The following ABHD3 variants were observed in gnomAD, a reference collection of about 807,000 sequenced individuals.
ABHD3 encodes the protein abhydrolase domain containing 3, phospholipase, also known as phospholipase ABHD3.
A neutral mutation model predicts 48.8 loss-of-function variants in ABHD3; 46 were observed. That is an observed-to-expected ratio of 0.94 (90% confidence interval 0.74 to 1.20). The LOEUF (loss-of-function observed/expected upper bound fraction) is 1.20. Ranked by LOEUF, ABHD3 falls within the 50% of genes most tolerant of loss-of-function variation. The pLI is 0.00. For missense variants in ABHD3, 490 were observed against 497.8 expected (o/e 0.98, Z 0.15); for synonymous variants, 192 against 183.7 (o/e 1.04, Z -0.36).
intron 4 of ABHD3, among the ~76,000 whole-genome samples, chr18:21,675,262 G>GTTTTTTTTTT (rs61119109): frequency 1.2e-5 from 1 of 85,476 alleles, no homozygotes; most frequent in African/African-American, 4.9e-5. Flanking sequence ...AATGAGGTGG[G>GTTTTTTTTTT]TTTTTTTTTT....
chr18:21,664,055 C>A (rs199987707), intron 5 of ABHD3, 63 bp downstream of exon 5: 1 of 1,538,456 alleles, frequency 6.5e-7, no homozygotes, highest in Non-Finnish European at 8.7e-7. Flanking sequence ...ATAGTCCTCT[C>A]AAAGAGACAG....
rs2039216630 is a variant in ABHD3, at chr18:21,651,369, T to C, written c.*222A>G. ...GTTTAAGGATGTACTTGGTAAGGCATAGTAAAAATAAAATCTACGTAAGTA... is the reference window on the plus strand; with the variant it reads ...GTTTAAGGATGTACTTGGTAAGGCACAGTAAAAATAAAATCTACGTAAGTA... On this transcript the variant is annotated 3_prime_UTR_variant, in exon 9 of 9. Transcript: ENST00000289119. The C allele has an allele frequency of 1.8e-5, 7 of 389,858 alleles. No individual in the cohort carries two copies. The East Asian group carries it at 3.1e-4, about 17-fold the overall frequency. 24.1% of individuals were successfully genotyped at this position (389,858 alleles called of 1,614,324 possible).
chr18:21,671,954 G>C (rs1459459645), intron 4 of ABHD3, among the ~76,000 whole-genome samples: 10 of 151,994 alleles, frequency 6.6e-5, no homozygotes, highest in Admixed American at 5.2e-4. Flanking sequence ...GTAATTTAAT[G>C]GCTGAAAGAG....
At chr18:21,700,812 T>C (rs891007827) in intron 3 of ABHD3, among the ~76,000 whole-genome samples, 1 of 123,050 alleles carries the variant, frequency 8.1e-6, no homozygotes, top group African/African-American at 3.4e-5. Context: ...TTTCTGAGCA[T>C]GACTAAGTTT....
chr18:21,674,474 C>T (rs2039831215), intron 4 of ABHD3, among the ~76,000 whole-genome samples: 1 of 152,156 alleles, frequency 6.6e-6, no homozygotes, highest in Admixed American at 6.5e-5. Flanking sequence ...TCTCCAACTC[C>T]TGGGCTCAAG....
intron 4 of ABHD3, among the ~76,000 whole-genome samples, chr18:21,666,339 A>G (rs1568143346): frequency 1.3e-5 from 2 of 152,122 alleles, no homozygotes; most frequent in African/African-American, 2.4e-5. Context: ...GACTACAGGT[A>G]CGTACCACCA....
chr18:21,681,323 T>G (rs2040000754), intron 4 of ABHD3, among the ~76,000 whole-genome samples: 1 of 152,186 alleles, frequency 6.6e-6, no homozygotes, highest in Non-Finnish European at 1.5e-5. Flanking sequence ...TAGCAGCATC[T>G]TCCATCAGCC....
intron 3 of ABHD3, among the ~76,000 whole-genome samples, chr18:21,691,907 A>C (rs1338203661): frequency 1.3e-5 from 2 of 152,220 alleles, no homozygotes; most frequent in African/African-American, 4.8e-5. Context: ...CATTTCAAAA[A>C]GCCTCACAGA....
chr18:21,683,507 T>C (rs1435038062), intron 4 of ABHD3: 1 of 512,834 alleles, frequency 1.9e-6, no homozygotes, highest in African/African-American at 2.0e-5. Flanking sequence ...AAGGAAAATG[T>C]GTTTTGCATT....
intron 4 of ABHD3, among the ~76,000 whole-genome samples, chr18:21,670,875 G>A (rs1213979536): frequency 3.9e-5 from 6 of 152,220 alleles, no homozygotes; most frequent in African/African-American, 1.4e-4. Context: ...TTAGCCAGGT[G>A]TGGTGGCACA....
chr18:21,669,389 T>G (rs1267372869), intron 4 of ABHD3, among the ~76,000 whole-genome samples: 1 of 152,130 alleles, frequency 6.6e-6, no homozygotes, highest in Non-Finnish European at 1.5e-5. Context: ...ACCCAGTCTC[T>G]CACTTTTCCC....
chr18:21,665,384 C>G (rs960593659), intron 4 of ABHD3, among the ~76,000 whole-genome samples: 1 of 152,008 alleles, frequency 6.6e-6, no homozygotes, highest in African/African-American at 2.4e-5. Flanking sequence ...GGACTATAGG[C>G]ATGCACCACC....
chr18:21,661,102 T>TAAAAAA (rs35710540), intron 5 of ABHD3, among the ~76,000 whole-genome samples: 30 of 57,210 alleles, frequency 5.2e-4, no homozygotes, highest in Admixed American at 6.5e-4. Flanking sequence ...AACTACAAGC[T>TAAAAAA]AAAAAAAAAA....
intron 4 of ABHD3, among the ~76,000 whole-genome samples, chr18:21,679,268 GGATTATCAAGGGATCTAAATATCAAC>G (rs2039955178): frequency 6.6e-6 from 1 of 152,098 alleles, no homozygotes; most frequent in African/African-American, 2.4e-5. Context: ...GAAAGAAGCA[GGATTATCAAGGGATCTAAATATCAAC>G]GTTAGCTCTA....
rs368460210 is a variant in ABHD3, at chr18:21,653,102, G to A, written c.1058-1339C>T. On this transcript the variant is annotated intron_variant, in intron 8 of 8. Coordinates refer to ENST00000289119, the MANE Select transcript of ABHD3 (RefSeq NM_138340.5). Reference sequence around the variant, plus strand: ...AAAAGAGCTGGGTGTGGTGGCTCACGCCTGTAATCCCAGTGCTTTGGGAGG... The same window carrying A: ...AAAAGAGCTGGGTGTGGTGGCTCACACCTGTAATCCCAGTGCTTTGGGAGG... Among the ~76,000 whole-genome samples the A allele has an allele frequency of 2.1e-4, 28 of 134,640 alleles. No homozygotes were observed. In the East Asian group the frequency reaches 6.1e-3, roughly 29 times the overall value. The allele number at this position is 134,640 out of a possible 152,430, so 88.3% of individuals were successfully genotyped here.
chr18:21,703,818 A>C, intron 1 of ABHD3, 71 bp from the exon 2 acceptor site: 1 of 1,544,648 alleles, frequency 6.5e-7, no homozygotes, highest in Non-Finnish European at 8.8e-7. Flanking sequence ...AGAAACCGGC[A>C]AAGACTTGTC....
At chr18:21,652,652 G>C (rs1311913306) in intron 8 of ABHD3, among the ~76,000 whole-genome samples, 1 of 151,792 alleles carries the variant, frequency 6.6e-6, no homozygotes, top group Admixed American at 6.6e-5. Context: ...GCACGTGCCT[G>C]TAGTCCCAGC....
At chr18:21,694,968 C>G (rs898606046) in intron 3 of ABHD3, among the ~76,000 whole-genome samples, 2 of 152,212 alleles carry the variant, frequency 1.3e-5, no homozygotes, top group African/African-American at 4.8e-5. Context: ...ATCCATCCTT[C>G]CCTTCTTCCT....
intron 5 of ABHD3, among the ~76,000 whole-genome samples, chr18:21,663,171 T>G (rs2039541430): frequency 6.6e-6 from 1 of 152,184 alleles, no homozygotes; most frequent in Non-Finnish European, 1.5e-5. Context: ...CTATCATTTG[T>G]AAATGCTGTT....
Sources: gnomAD v4.1 joint callset for allele counts (sites outside exome capture counted in the v4.1 genomes callset) on GRCh38, gnomAD v4.1.1 for gene constraint, MANE v1.5 for transcripts, NCBI Gene and HGNC (gene_info 2026-07-23, HGNC 2026-07-21) for gene names.